Variants in DNA2 observed in about 807,000 individuals in gnomAD.
DNA2 encodes DNA replication ATP-dependent helicase/nuclease DNA2.
Under a neutral mutation model 119.1 loss-of-function variants are expected in DNA2, and 101 were observed. The ratio of observed to expected loss-of-function variants is 0.85; its 90% CI spans 0.72 to 1.00. The LOEUF (loss-of-function observed/expected upper bound fraction) is 1.00. Ranked by LOEUF, DNA2 falls within the 50% of genes least tolerant of loss-of-function variation. The pLI is 0.00. For synonymous variants in DNA2, 366 were observed against 424.4 expected, an observed-to-expected ratio of 0.86 and a Z score of 1.69; for missense variants, 1,121 against 1,255.5, an observed-to-expected ratio of 0.89 and a Z score of 1.62.
At position 68,429,246 on chromosome 10, in the gene DNA2, T is replaced by TAAAA. The variant is rs530484976; in HGVS notation, c.2208+1186_2208+1189dup. 3.4e-5 allele frequency among the ~76,000 whole-genome samples: 4 copies of TAAAA among 117,784 alleles called. 1 individual carries two copies. The highest frequency in any genetic ancestry group is 2.7e-4 in the Admixed American group (3 of 11,310). 77.3% of individuals were successfully genotyped at this position (117,784 alleles called of 152,430 possible). A position where few individuals can be genotyped will look rare whatever the true frequency, so the allele number is the denominator to read the frequency against. On this transcript the variant is annotated intron_variant, in intron 14 of 20. Transcript: ENST00000358410. ...CCAGCTACTTGGTGGAAGGTTCAAT[T>TAAAA]AAAAAAAAAAAAAAAAAGCCGGGCG...
chr10:68,437,429 T>C (rs7098595), intron 9 of DNA2, among the ~76,000 whole-genome samples, 188 bp from the exon 10 acceptor site: 1 of 151,124 alleles, frequency 6.6e-6, no homozygotes, highest in Non-Finnish European at 1.5e-5. Flanking sequence ...TGAGGTCAGA[T>C]GTTCAAGACC....
chr10:68,460,182 T>C lies in DNA2; in HGVS notation c.588-947A>G, dbSNP rs1037967293. Among the ~76,000 whole-genome samples, 4 of 152,036 alleles carry C rather than the reference T, an allele frequency of 2.6e-5. No homozygotes were observed. The South Asian group carries it at 8.3e-4, about 32-fold the overall frequency. On this transcript the variant is annotated intron_variant, in intron 4 of 20. Transcript: ENST00000358410. ...AGTGTAGTAGCGCTATCTCGGCTCATTGCAACCTCTGCCTTATAGGCTCAA... is the reference window on the plus strand; with the variant it reads ...AGTGTAGTAGCGCTATCTCGGCTCACTGCAACCTCTGCCTTATAGGCTCAA...
At chr10:68,472,158 T>G, upstream of DNA2, 1 of 1,344,556 alleles carries the variant, frequency 7.4e-7, no homozygotes. Flanking sequence ...CCTTCTCTCT[T>G]GACACTCCAA....
chr10:68,467,870 T>A (rs928782585), intron 3 of DNA2, among the ~76,000 whole-genome samples: 3 of 152,188 alleles, frequency 2.0e-5, no homozygotes, highest in Admixed American at 6.6e-5. Flanking sequence ...TTAGTTATTT[T>A]ATTAAGCCCT....
At chr10:68,445,202 C>T (rs905031165) in intron 7 of DNA2, 119 bp from the exon 8 acceptor site, 105 of 933,072 alleles carry the variant, frequency 1.1e-4, no homozygotes, top group Non-Finnish European at 1.5e-4. Flanking sequence ...CAATGGCTTA[C>T]GCCTGTAATC....
In DNA2 at chr10:68,466,043, C is replaced by CA. The variant is rs1256917920; in HGVS notation, c.442-232dup. Among the ~76,000 whole-genome samples, 3 of 150,996 alleles carry CA rather than the reference C, an allele frequency of 2.0e-5. No homozygotes were observed. In the East Asian group the frequency reaches 5.8e-4, roughly 29 times the overall value. ...ATCCTTTTTTTTTTCTTTTTTGAGA[C>CA]AGAGTCTTGCTCTGTCACCCAGGCT... is the stretch of plus-strand genomic sequence containing the variant. On this transcript the variant is annotated intron_variant, in intron 3 of 20. Transcript: ENST00000358410.
intron 1 of DNA2, 107 bp downstream of exon 1, chr10:68,471,684 C>T (rs1047687611): frequency 2.9e-6 from 4 of 1,378,476 alleles, no homozygotes; most frequent in African/African-American, 1.5e-5. Flanking sequence ...GCACCGGGTC[C>T]CTGGGCCCCG....
intron 2 of DNA2, among the ~76,000 whole-genome samples, chr10:68,468,877 C>T (rs1161803998): frequency 6.6e-6 from 1 of 152,026 alleles, no homozygotes; most frequent in Non-Finnish European, 1.5e-5. Flanking sequence ...TGGTGAAACC[C>T]CGTCTCTACT....
At chr10:68,425,692 C>T (rs1254882412) in intron 14 of DNA2, among the ~76,000 whole-genome samples, 2 of 151,546 alleles carry the variant, frequency 1.3e-5, no homozygotes, top group Non-Finnish European at 2.9e-5. Flanking sequence ...TGAGACACCG[C>T]GCCCGGCCAT....
intron 19 of DNA2, among the ~76,000 whole-genome samples, chr10:68,417,390 C>CCAAAAAAAAAAAAAAAAAAAAAAAA (rs2051603922): frequency 5.7e-5 from 1 of 17,464 alleles, no homozygotes; most frequent in Non-Finnish European, 1.2e-4. Context: ...AATAAGAAAA[C>CCAAAAAAAAAAAAAAAAAAAAAAAA]CAAAAAAAAA....
At position 68,426,792 on chromosome 10, in the gene DNA2, T is replaced by C. The variant is rs988197556; in HGVS notation, c.2208+3644A>G. Among the ~76,000 whole-genome samples the C allele has an allele frequency of 3.9e-5, 6 of 151,940 alleles. 1 individual carries two copies. Among genetic ancestry groups the C allele is most frequent in the African/African-American group, 1.2e-4 (5 of 41,454 alleles). ...AGGCAGAGCTTGCAGTGAGCCGAGA[T>C]TGTGCCACTGCACTCCAGCCTGGGC... is the stretch of plus-strand genomic sequence containing the variant. On this transcript the variant is annotated intron_variant, in intron 14 of 20. Coordinates refer to ENST00000358410, the MANE Select transcript of DNA2 (RefSeq NM_001080449.3).
chr10:68,429,336 G>T (rs778225708), intron 14 of DNA2, among the ~76,000 whole-genome samples: 7 of 151,722 alleles, frequency 4.6e-5, no homozygotes, highest in Admixed American at 1.3e-4. Flanking sequence ...CCTGAGGTTG[G>T]GAGTGCGAGA....
Position 68,471,775 on chromosome 10 carries a change from C to T in DNA2, c.74+16G>A. 1 of 1,586,688 alleles carries T rather than the reference C, an allele frequency of 6.3e-7. No homozygotes were observed. Among genetic ancestry groups the T allele is most frequent in the Non-Finnish European group, 8.6e-7 (1 of 1,167,374 alleles). Reference sequence around the variant, plus strand: ...TCTCCCGCTTTGTTCCCACACCCTCCCCCCTCTCCGCTCACAGCTCCGCCG... The same window carrying T: ...TCTCCCGCTTTGTTCCCACACCCTCTCCCCTCTCCGCTCACAGCTCCGCCG... On this transcript the variant is annotated intron_variant, in intron 1 of 20. Coordinates refer to ENST00000358410, the MANE Select transcript of DNA2 (RefSeq NM_001080449.3).
chr10:68,438,294 C>G (rs1030411967), intron 9 of DNA2, among the ~76,000 whole-genome samples: 8 of 152,118 alleles, frequency 5.3e-5, no homozygotes, highest in Admixed American at 4.6e-4. Context: ...CCGAGGCAGG[C>G]AGATCATCTG....
intron 5 of DNA2, among the ~76,000 whole-genome samples, chr10:68,455,826 C>T (rs1181912610): frequency 6.8e-6 from 1 of 147,934 alleles, no homozygotes; most frequent in East Asian, 2.0e-4. Flanking sequence ...ATCTCAAAAA[C>T]AAAACAAAAC....
chr10:68,415,205 CAAA>C, intron 20 of DNA2, 98 bp from the exon 21 acceptor site: 1 of 510,352 alleles, frequency 2.0e-6, no homozygotes, highest in East Asian at 3.9e-5. Flanking sequence ...TACAGGACCA[CAAA>C]AAAAAAATAA....
At chr10:68,454,417 G>A (rs2052158212) in intron 5 of DNA2, among the ~76,000 whole-genome samples, 1 of 148,080 alleles carries the variant, frequency 6.8e-6, no homozygotes, top group Non-Finnish European at 1.5e-5. Context: ...AAACAAACAA[G>A]CAAACATGCA....
intron 5 of DNA2, among the ~76,000 whole-genome samples, chr10:68,457,124 A>G (rs1352398222): frequency 2.7e-5 from 4 of 146,504 alleles, no homozygotes; most frequent in Admixed American, 1.4e-4. Context: ...ACAGAGCGAG[A>G]CTCCATCTCA....
In DNA2 at chr10:68,465,811, C is replaced by A; in HGVS notation, c.443G>T (p.Ser148Ile). The change falls in exon 4 of 21, where the codon AGC becomes ATC. Residue 148 changes from serine to isoleucine, a missense_variant and splice_region_variant. Coordinates refer to ENST00000358410, the MANE Select transcript of DNA2 (RefSeq NM_001080449.3). The stretch of plus-strand genomic sequence containing the variant: ...CATTTGGCGTGTGGCTGGATCAGAG[C>A]TCTACAAAAGCAAATCACACAGTTT... ...RRAVLSETFRSSDPATRQMLI... is the reference protein window; with the variant it reads ...RRAVLSETFRISDPATRQMLI... 1 of 1,542,084 alleles carries A rather than the reference C, an allele frequency of 6.5e-7. No homozygotes were observed. Among genetic ancestry groups the A allele is most frequent in the South Asian group, 1.3e-5 (1 of 77,426 alleles).
Sources: allele counts gnomAD v4.1 joint callset (sites outside exome capture counted in the v4.1 genomes callset), GRCh38; gene constraint gnomAD v4.1.1; transcripts MANE v1.5; gene names NCBI Gene and HGNC (gene_info 2026-07-23, HGNC 2026-07-21).